GLIS3: variants seen among roughly 807,000 people sequenced by gnomAD.
The protein encoded by GLIS3 is zinc finger protein GLIS3.
Under a neutral mutation model 78.6 loss-of-function variants are expected in GLIS3, and 53 were observed. The observed-to-expected ratio is 0.67, with a 90% confidence interval of 0.54 to 0.85. The LOEUF is 0.85. Ranked by LOEUF, GLIS3 falls within the 40% of genes least tolerant of loss-of-function variation. GLIS3 has a pLI of 0.00. For missense variants in GLIS3, 1,703 were observed against 1,231.1 expected, an observed-to-expected ratio of 1.38 and a Z score of -5.74; for synonymous variants, 684 against 509.9, an observed-to-expected ratio of 1.34 and a Z score of -4.60.
At chr9:3,974,958 G>C (rs1588359054) in intron 4 of GLIS3, among the ~76,000 whole-genome samples, 1 of 151,822 alleles carries the variant, frequency 6.6e-6, no homozygotes, top group Non-Finnish European at 1.5e-5. Flanking sequence ...AACGTGATAA[G>C]GCACATGGAG....
At chr9:4,025,523 G>A (rs997487367) in intron 4 of GLIS3, among the ~76,000 whole-genome samples, 3 of 152,056 alleles carry the variant, frequency 2.0e-5, no homozygotes, top group African/African-American at 4.8e-5. Context: ...GAGTAGCTGG[G>A]ATTACAGGCA....
chr9:4,489,219 C>T, the GLIS3 span, among the ~76,000 whole-genome samples: 3 of 152,212 alleles, frequency 2.0e-5, no homozygotes, highest in Admixed American at 6.5e-5. Context: ...ACCTTAAAAT[C>T]CCTCTAACCT....
the GLIS3 span, among the ~76,000 whole-genome samples, chr9:4,399,099 C>G: frequency 1.3e-5 from 2 of 152,150 alleles, no homozygotes; most frequent in East Asian, 3.8e-4. Context: ...TGTTCTATAC[C>G]ATTGCAGGAT....
chr9:4,486,655 G>A, the GLIS3 span, among the ~76,000 whole-genome samples: 1 of 152,140 alleles, frequency 6.6e-6, no homozygotes, highest in African/African-American at 2.4e-5. Context: ...TGATTTTGAA[G>A]CAAACCTTCA....
intron 2 of GLIS3, among the ~76,000 whole-genome samples, chr9:4,207,234 G>A (rs900907881): frequency 1.2e-4 from 19 of 152,076 alleles, no homozygotes; most frequent in African/African-American, 3.6e-4. Context: ...TGCCCCCTTC[G>A]TCCCCACACT....
At chr9:4,448,979 T>G in the GLIS3 span, among the ~76,000 whole-genome samples, 2 of 152,112 alleles carry the variant, frequency 1.3e-5, no homozygotes, top group African/African-American at 2.4e-5. Flanking sequence ...GGACAGTGGG[T>G]GCAGCCTATG....
At chr9:4,090,770 A>G (rs569091029) in intron 4 of GLIS3, among the ~76,000 whole-genome samples, 9 of 152,168 alleles carry the variant, frequency 5.9e-5, no homozygotes, top group Admixed American at 1.3e-4. Context: ...TGAAGTGGTA[A>G]ACATAGCACA....
rs150708265 is a variant in GLIS3 at position 4,046,012 on chromosome 9, G to T, written c.1710+71756C>A. Among the ~76,000 whole-genome samples the T allele has an allele frequency of 1.2e-3, 189 of 152,288 alleles. 1 individual carries two copies. The highest frequency in any genetic ancestry group is 4.1e-3 in the African/African-American group (170 of 41,564). On this transcript the variant is annotated intron_variant, in intron 4 of 10. Transcript: ENST00000381971. ...ACAAGACAGAACAAAAAGTGCAACT[G>T]CCAGGAGGCAGCAAATTTTAATTTC...
chr9:3,869,500 C>G (rs1370733048), intron 8 of GLIS3, among the ~76,000 whole-genome samples: 2 of 152,096 alleles, frequency 1.3e-5, no homozygotes, highest in Non-Finnish European at 2.9e-5. Context: ...CAAGGTACTC[C>G]TAGCAATGTG....
intron 6 of GLIS3, among the ~76,000 whole-genome samples, chr9:3,918,017 C>G (rs922546562): frequency 2.0e-5 from 3 of 152,266 alleles, no homozygotes; most frequent in Middle Eastern, 6.8e-3. Context: ...GAACGTCTAT[C>G]AAATCATGAG....
At chr9:4,436,810 C>CAA in the GLIS3 span, among the ~76,000 whole-genome samples, 1,811 of 53,520 alleles carry the variant, frequency 0.034, 200 homozygotes, top group East Asian at 0.05. Flanking sequence ...GACTGCATCT[C>CAA]AAAAAAAAAA....
chr9:3,846,622 C>A (rs925635314), intron 9 of GLIS3, among the ~76,000 whole-genome samples: 1 of 152,120 alleles, frequency 6.6e-6, no homozygotes, highest in East Asian at 1.9e-4. Context: ...TTCTTGCCTC[C>A]AAACTGAAAA....
chr9:4,298,964 C>T (rs1816867069), intron 1 of GLIS3, among the ~76,000 whole-genome samples: 2 of 152,194 alleles, frequency 1.3e-5, no homozygotes, highest in East Asian at 3.9e-4. Flanking sequence ...AGAGACCTCA[C>T]GTCACCCCAT....
chr9:3,926,214 A>G (rs375999038), intron 6 of GLIS3, among the ~76,000 whole-genome samples: 2 of 151,608 alleles, frequency 1.3e-5, no homozygotes, highest in African/African-American at 4.8e-5. Flanking sequence ...ATTGCGACTA[A>G]AGCAATGCTT....
the GLIS3 span, among the ~76,000 whole-genome samples, chr9:4,407,603 C>T: frequency 4.3e-4 from 66 of 152,272 alleles, no homozygotes; most frequent in African/African-American, 1.4e-3. Context: ...GCCGAGATCT[C>T]GCCACCGCAC....
At chr9:4,195,796 C>CT (rs1818780453) in intron 2 of GLIS3, among the ~76,000 whole-genome samples, 1 of 152,222 alleles carries the variant, frequency 6.6e-6, no homozygotes, top group African/African-American at 2.4e-5. Context: ...TGTGGATGCA[C>CT]CAACAGGCAC....
In GLIS3 at chr9:4,146,301, A is replaced by T. The variant is rs562310830; in HGVS notation, c.389-20360T>A. 4.1e-4 allele frequency among the ~76,000 whole-genome samples: 62 copies of T among 152,360 alleles called. 1 individual carries two copies. The South Asian group carries it at 6.2e-3, about 15-fold the overall frequency. On this transcript the variant is annotated intron_variant, in intron 2 of 10. Coordinates refer to ENST00000381971, the MANE Select transcript of GLIS3 (RefSeq NM_001042413.2). ...TATTTGAAACCGTTGAATATCTACTATAGTTCTAGATAAGAAATTTGATAA... is the reference window on the plus strand; with the variant it reads ...TATTTGAAACCGTTGAATATCTACTTTAGTTCTAGATAAGAAATTTGATAA...
chr9:4,480,200 CTTTTTTT>C, the GLIS3 span, among the ~76,000 whole-genome samples: 1 of 93,882 alleles, frequency 1.1e-5, no homozygotes, highest in East Asian at 3.4e-4. Context: ...GCTGGGCTTT[CTTTTTTT>C]TTTTTTTTTT....
chr9:4,003,744 C>T lies in GLIS3; in HGVS notation c.1711-66555G>A, dbSNP rs73641246. 7.8e-3 allele frequency among the ~76,000 whole-genome samples: 1,185 copies of T among 152,260 alleles called. 19 individuals carry two copies. Among genetic ancestry groups the T allele is most frequent in the African/African-American group, 0.027 (1,113 of 41,538 alleles). On this transcript the variant is annotated intron_variant, in intron 4 of 10. Coordinates refer to ENST00000381971, the MANE Select transcript of GLIS3 (RefSeq NM_001042413.2). ...GCTGGAGAATCCACATAATAAAGTTCCCAGGACAGTCATCTGGATGATGGT... is the reference window on the plus strand; with the variant it reads ...GCTGGAGAATCCACATAATAAAGTTTCCAGGACAGTCATCTGGATGATGGT...
Sources: allele counts gnomAD v4.1 joint callset (sites outside exome capture counted in the v4.1 genomes callset), GRCh38; gene constraint gnomAD v4.1.1; transcripts MANE v1.5; gene names NCBI Gene and HGNC (gene_info 2026-07-23, HGNC 2026-07-21).